TCF7L2: variants seen among roughly 807,000 people sequenced by gnomAD.
TCF7L2 encodes transcription factor 7-like 2.
In TCF7L2, 23 loss-of-function variants were observed where a neutral mutation model predicts 77.9. The observed-to-expected ratio is 0.30, with a 90% CI of 0.21 to 0.42. The LOEUF (loss-of-function observed/expected upper bound fraction) is 0.42, where lower values mean the gene tolerates loss of function less well. TCF7L2 is among the 10% of genes least tolerant of loss of function. The pLI, the probability that TCF7L2 is intolerant of heterozygous loss-of-function variation, is 1.00. For synonymous variants in TCF7L2, 413 were observed against 340.2 expected (o/e 1.21, Z -2.36); for missense variants, 654 against 793.1 (o/e 0.82, Z 2.11).
In TCF7L2 at chr10:113,158,332, G is replaced by A. The variant is rs1415191223; in HGVS notation, c.1318+263G>A. Among the ~76,000 whole-genome samples the A allele has an allele frequency of 3.9e-5, 6 of 152,162 alleles. No individual in the cohort carries two copies. In the East Asian group the frequency reaches 1.2e-3, roughly 29 times the overall value. On this transcript the variant is annotated intron_variant, in intron 12 of 13. Transcript: ENST00000627217. ...TAAAATAACTGCAGAGCCTATAACT[G>A]GAGAGCAAGCGGTAGGCATGCCTAT...
intron 5 of TCF7L2, among the ~76,000 whole-genome samples, chr10:113,098,428 C>T (rs185804482): frequency 3.3e-5 from 5 of 152,090 alleles, no homozygotes; most frequent in Admixed American, 2.6e-4. Context: ...TATTTTAGGC[C>T]GGGCTCGGTG....
At chr10:113,022,614 A>G (rs1051472389) in intron 4 of TCF7L2, among the ~76,000 whole-genome samples, 9 of 152,174 alleles carry the variant, frequency 5.9e-5, no homozygotes, top group African/African-American at 2.2e-4. Flanking sequence ...TACTTTTTGG[A>G]TGATTTAAAA....
At chr10:113,069,659 A>G (rs2057703426) in intron 5 of TCF7L2, among the ~76,000 whole-genome samples, 1 of 152,204 alleles carries the variant, frequency 6.6e-6, no homozygotes, top group Non-Finnish European at 1.5e-5. Context: ...TTTAAAAGGC[A>G]TAGACTAGTC....
chr10:113,104,666 A>C (rs35010564), intron 5 of TCF7L2, among the ~76,000 whole-genome samples: 20,937 of 151,978 alleles, frequency 0.14, 1,614 homozygotes, highest in African/African-American at 0.18. Context: ...CACTTATTTA[A>C]TTTGATCTCA....
At chr10:112,956,900 G>C (rs1340923205) in intron 3 of TCF7L2, among the ~76,000 whole-genome samples, 1 of 152,062 alleles carries the variant, frequency 6.6e-6, no homozygotes, top group Admixed American at 6.6e-5. Context: ...GGGAGGTGGT[G>C]GTATCCTAAT....
At chr10:113,054,950 A>G (rs2055122221) in intron 5 of TCF7L2, among the ~76,000 whole-genome samples, 1 of 151,898 alleles carries the variant, frequency 6.6e-6, no homozygotes, top group African/African-American at 2.4e-5. Context: ...AATTTAGCTC[A>G]TTCTTTTTAA....
chr10:113,034,948 T>C (rs2050894291), intron 4 of TCF7L2, among the ~76,000 whole-genome samples: 1 of 152,054 alleles, frequency 6.6e-6, no homozygotes, highest in South Asian at 2.1e-4. Context: ...TTCCTTTTCC[T>C]TCCCCTCTCC....
At chr10:113,114,092 G>A (rs2063453589) in intron 5 of TCF7L2, among the ~76,000 whole-genome samples, 1 of 152,140 alleles carries the variant, frequency 6.6e-6, no homozygotes, top group Non-Finnish European at 1.5e-5. Context: ...GCTTTGCCTG[G>A]TAACATCTTA....
At chr10:113,159,555 C>T (rs1004001625) in intron 12 of TCF7L2, among the ~76,000 whole-genome samples, 1 of 151,972 alleles carries the variant, frequency 6.6e-6, no homozygotes, top group African/African-American at 2.4e-5. Flanking sequence ...AAAGGGAAAG[C>T]AGAACTAAAA....
chr10:112,955,639 A>G (rs1480269012), intron 3 of TCF7L2, among the ~76,000 whole-genome samples: 2 of 152,154 alleles, frequency 1.3e-5, no homozygotes, highest in Admixed American at 6.6e-5. Flanking sequence ...GAGGAAAACA[A>G]TCCTCGTTCT....
intron 5 of TCF7L2, among the ~76,000 whole-genome samples, chr10:113,134,182 C>A (rs943369676): frequency 3.3e-5 from 5 of 152,222 alleles, no homozygotes; most frequent in African/African-American, 7.2e-5. Context: ...AAGGAAGACC[C>A]CGGCCACGGT....
chr10:113,064,712 A>G (rs1302809861), intron 5 of TCF7L2, among the ~76,000 whole-genome samples: 1 of 152,216 alleles, frequency 6.6e-6, no homozygotes, highest in East Asian at 1.9e-4. Flanking sequence ...TTGCCAGTTC[A>G]CGGCATATAA....
intron 5 of TCF7L2, among the ~76,000 whole-genome samples, chr10:113,065,380 C>T (rs2057113156): frequency 6.6e-6 from 1 of 152,208 alleles, no homozygotes; most frequent in Non-Finnish European, 1.5e-5. Context: ...GACTTTGTTC[C>T]AGCTACCCAT....
chr10:113,104,181 C>A (rs2061987751), intron 5 of TCF7L2, among the ~76,000 whole-genome samples: 1 of 152,148 alleles, frequency 6.6e-6, no homozygotes, highest in African/African-American at 2.4e-5. Context: ...TCCTAATCCT[C>A]GTGGGAGCTT....
At chr10:113,161,981 G>A (rs2073237353) in intron 13 of TCF7L2, among the ~76,000 whole-genome samples, 1 of 152,234 alleles carries the variant, frequency 6.6e-6, no homozygotes, top group Non-Finnish European at 1.5e-5. Flanking sequence ...GCTGACAGAT[G>A]TCCCTTTGAC....
intron 5 of TCF7L2, among the ~76,000 whole-genome samples, chr10:113,099,449 G>A (rs989555882): frequency 3.3e-5 from 5 of 152,146 alleles, no homozygotes; most frequent in East Asian, 1.9e-4. Context: ...CATCCAAGCC[G>A]CCTGCACCAG....
At chr10:112,994,063 A>T (rs941053030) in intron 4 of TCF7L2, among the ~76,000 whole-genome samples, 4 of 152,018 alleles carry the variant, frequency 2.6e-5, no homozygotes, top group Non-Finnish European at 5.9e-5. Context: ...TCAAAAAAAA[A>T]AAAAAAGAAA....
chr10:113,154,891 C>T (rs1293660373), intron 11 of TCF7L2, among the ~76,000 whole-genome samples: 5 of 152,124 alleles, frequency 3.3e-5, no homozygotes, highest in African/African-American at 4.8e-5. Context: ...CTCACACTCA[C>T]GCCTTCCTTT....
chr10:113,095,020 C>T (rs1010212822), intron 5 of TCF7L2, among the ~76,000 whole-genome samples: 10 of 152,114 alleles, frequency 6.6e-5, no homozygotes, highest in African/African-American at 9.7e-5. Context: ...ACAGGAGAAT[C>T]GCTTGAACCT....
Sources: gnomAD v4.1 joint callset for allele counts (sites outside exome capture counted in the v4.1 genomes callset) on GRCh38, gnomAD v4.1.1 for gene constraint, MANE v1.5 for transcripts, NCBI Gene and HGNC (gene_info 2026-07-23, HGNC 2026-07-21) for gene names.